CCL25: variants seen among roughly 807,000 people sequenced by gnomAD.
CCL25 encodes C-C motif chemokine 25.
CCL25 carries 14 observed loss-of-function variants against 19.9 expected under a neutral mutation model. That is an observed-to-expected ratio of 0.70 (90% CI 0.47 to 1.10). CCL25 has a LOEUF of 1.10. Ranked by LOEUF, CCL25 falls within the 50% of genes least tolerant of loss-of-function variation. The probability of loss-of-function intolerance (pLI) is 0.00; values close to 1 mark genes in which losing one functional copy is unlikely to be tolerated. For synonymous variants in CCL25, 68 were observed against 73.2 expected (o/e 0.93, Z 0.36); for missense variants, 151 against 181.2 (o/e 0.83, Z 0.96).
intron 5 of CCL25, among the ~76,000 whole-genome samples, chr19:8,059,458 C>G (rs931583105): frequency 6.6e-6 from 1 of 151,764 alleles, no homozygotes; most frequent in African/African-American, 2.4e-5. Flanking sequence ...CTCGGCCCCC[C>G]AAAGTGCTGG....
rs1332105882 is a variant in CCL25 at position 8,056,258 on chromosome 19, G to T, written c.180G>T (p.Leu60=). ...AGGAGGTGAGCGGGAGCTGCAATCT[G>T]CCTGCTGCGATGTGAGTGGGGCCGT... ...RIQEVSGSCN[L]PAAIFYLPKR... is the part of the protein sequence containing the mutation. Residue 60 remains leucine, a synonymous_variant, in exon 3 of 6, where the codon CTG becomes CTT. Coordinates refer to ENST00000315626, the MANE Select transcript of CCL25 (RefSeq NM_005624.4). 14 of 1,578,936 alleles carry T rather than the reference G, an allele frequency of 8.9e-6. No individual in the cohort carries two copies. The highest frequency in any genetic ancestry group is 1.2e-5 in the Non-Finnish European group (14 of 1,159,350).
At chr19:8,056,302 G>GCCCC in intron 3 of CCL25, 33 bp downstream of exon 3, 2 of 593,360 alleles carry the variant, frequency 3.4e-6, no homozygotes, top group Non-Finnish European at 6.4e-6. Context: ...GGGGGGTGGG[G>GCCCC]TGCACACACA....
At chr19:8,062,104 G>T in intron 5 of CCL25, 114 bp from the exon 6 acceptor site, 1 of 899,522 alleles carries the variant, frequency 1.1e-6, no homozygotes, top group Non-Finnish European at 1.8e-6. Context: ...CTATTACTCA[G>T]AAATTCACAA....
At chr19:8,059,886 G>A (rs1316750979) in intron 5 of CCL25, among the ~76,000 whole-genome samples, 1 of 151,678 alleles carries the variant, frequency 6.6e-6, no homozygotes, top group Non-Finnish European at 1.5e-5. Flanking sequence ...TCAGGAGATC[G>A]AGACCATCCA....
intron 3 of CCL25, 33 bp downstream of exon 3, chr19:8,056,302 G>GGGGGGGGGGGCC: frequency 1.7e-6 from 1 of 593,420 alleles, no homozygotes; most frequent in Non-Finnish European, 3.2e-6. Flanking sequence ...GGGGGGTGGG[G>GGGGGGGGGGGCC]TGCACACACA....
chr19:8,060,379 G>C (rs1298544609), intron 5 of CCL25, among the ~76,000 whole-genome samples: 1 of 152,012 alleles, frequency 6.6e-6, no homozygotes, highest in African/African-American at 2.4e-5. Context: ...GGATAGGGAT[G>C]AATAAGCCAG....
At chr19:8,056,302 G>GGCGCC in intron 3 of CCL25, 33 bp downstream of exon 3, 1 of 593,420 alleles carries the variant, frequency 1.7e-6, no homozygotes, top group Non-Finnish European at 3.2e-6. Context: ...GGGGGGTGGG[G>GGCGCC]TGCACACACA....
chr19:8,056,302 G>T, intron 3 of CCL25, 33 bp downstream of exon 3: 1 of 593,394 alleles, frequency 1.7e-6, no homozygotes, highest in Non-Finnish European at 3.2e-6. Flanking sequence ...GGGGGGTGGG[G>T]TGCACACACA....
At chr19:8,058,261 T>G (rs1214015101) in intron 5 of CCL25, among the ~76,000 whole-genome samples, 1 of 143,602 alleles carries the variant, frequency 7.0e-6, no homozygotes, top group Non-Finnish European at 1.5e-5. Context: ...TCTCTATATA[T>G]ACATATAAAA....
chr19:8,057,732 C>T lies in CCL25; in HGVS notation c.326-69C>T, dbSNP rs55748353. ...TAAATAACCAGTCAACAGCTTCAGG[C>T]TCAGCTGGATCCAGGAGCTCAAAGG... On this transcript the variant is annotated intron_variant, in intron 4 of 5. Coordinates refer to ENST00000315626, the MANE Select transcript of CCL25 (RefSeq NM_005624.4). 2.0e-6 allele frequency: 3 copies of T among 1,521,714 alleles called. No homozygotes were observed. The African/African-American group carries it at 4.1e-5, about 21-fold the overall frequency. The allele number at this position is 1,521,714 out of a possible 1,614,324, so 94.3% of individuals were successfully genotyped here. A position where few individuals can be genotyped will look rare whatever the true frequency, so the allele number is the denominator to read the frequency against.
chr19:8,061,544 C>G lies in CCL25; in HGVS notation c.446-674C>G, dbSNP rs1599235396. Among the ~76,000 whole-genome samples, 4 of 152,296 alleles carry G rather than the reference C, an allele frequency of 2.6e-5. No individual in the cohort carries two copies. The East Asian group carries it at 7.7e-4, about 29-fold the overall frequency. The stretch of plus-strand genomic sequence containing the variant: ...TTCCTGGAGAATGGGACCAAAAGCT[C>G]CAAGTTTCTAATCAATGGCTTGGTC... On this transcript the variant is annotated intron_variant, in intron 5 of 5. Coordinates refer to ENST00000315626, the MANE Select transcript of CCL25 (RefSeq NM_005624.4).
At chr19:8,055,336 T>C (rs1209880035) in intron 2 of CCL25, among the ~76,000 whole-genome samples, 1 of 148,032 alleles carries the variant, frequency 6.8e-6, no homozygotes, top group Non-Finnish European at 1.5e-5. Flanking sequence ...ATTTTTGTTT[T>C]TTGTTTTGTT....
At chr19:8,058,947 C>T (rs1410715751) in intron 5 of CCL25, among the ~76,000 whole-genome samples, 7 of 134,362 alleles carry the variant, frequency 5.2e-5, no homozygotes, top group Non-Finnish European at 7.7e-5. Flanking sequence ...CGTGAGCCAC[C>T]GCGCCCAGCC....
intron 5 of CCL25, 40 bp downstream of exon 5, chr19:8,057,960 C>T (rs2081284275): frequency 6.3e-7 from 1 of 1,597,764 alleles, no homozygotes; most frequent in Admixed American, 1.7e-5. Context: ...CCATCCATCA[C>T]CTTTGCTGAG....
intron 5 of CCL25, among the ~76,000 whole-genome samples, chr19:8,059,739 A>C (rs1323538464): frequency 6.6e-6 from 1 of 152,098 alleles, no homozygotes; most frequent in Admixed American, 6.6e-5. Context: ...GGGGCTGGGC[A>C]TGGTGGCTCA....
In CCL25 at chr19:8,057,326, CATT is replaced by C. The variant is rs369008080; in HGVS notation, c.326-459_326-457del. 2.7e-3 allele frequency among the ~76,000 whole-genome samples: 393 copies of C among 146,436 alleles called. 1 individual carries two copies. The highest frequency in any genetic ancestry group is 9.7e-3 in the African/African-American group (382 of 39,490). On this transcript the variant is annotated intron_variant, in intron 4 of 5. Transcript: ENST00000315626. ...TGAACCACCATGCCTGGCTCCAGCT[CATT>C]ATTATTATTATTATTTTGAGACAGG...
Position 8,057,936 on chromosome 19 carries a change from C to A in CCL25, c.445+16C>A. 3 of 1,608,034 alleles carry A rather than the reference C, an allele frequency of 1.9e-6. No individual in the cohort carries two copies. The South Asian group carries it at 3.3e-5, about 18-fold the overall frequency. On this transcript the variant is annotated intron_variant, in intron 5 of 5. Coordinates refer to ENST00000315626, the MANE Select transcript of CCL25 (RefSeq NM_005624.4). ...GCTAATTCAGGTAAGGACTCTTGGTCATGTGACTGTCTCCCATCCATCACC... is the reference window on the plus strand; with the variant it reads ...GCTAATTCAGGTAAGGACTCTTGGTAATGTGACTGTCTCCCATCCATCACC...
At chr19:8,053,456 G>C (rs1045721194) in intron 2 of CCL25, among the ~76,000 whole-genome samples, 4 of 151,990 alleles carry the variant, frequency 2.6e-5, no homozygotes, top group Non-Finnish European at 4.4e-5. Context: ...CAGGGGTGGG[G>C]TTGGAGATCA....
intron 5 of CCL25, among the ~76,000 whole-genome samples, chr19:8,061,892 A>T (rs2081320246): frequency 6.6e-6 from 1 of 151,916 alleles, no homozygotes; most frequent in Non-Finnish European, 1.5e-5. Context: ...AATACAAAAA[A>T]TACAAAAATT....
Sources: gnomAD v4.1 joint callset for allele counts (sites outside exome capture counted in the v4.1 genomes callset) on GRCh38, gnomAD v4.1.1 for gene constraint, MANE v1.5 for transcripts, NCBI Gene and HGNC (gene_info 2026-07-23, HGNC 2026-07-21) for gene names.